Variants in USH2A observed in about 807,000 individuals in gnomAD.
The protein encoded by USH2A is usherin.
A neutral mutation model predicts 538.9 loss-of-function variants in USH2A; 443 were observed. The observed-to-expected ratio is 0.82, with a 90% CI of 0.76 to 0.89. The LOEUF is 0.89. Among genes scored for constraint, USH2A ranks in the 40% least tolerant of loss-of-function variants. USH2A has a pLI of 0.00. For synonymous variants in USH2A, 2,413 were observed against 2,273.5 expected, an observed-to-expected ratio of 1.06 and a Z score of -1.75; for missense variants, 6,633 against 6,324.8, an observed-to-expected ratio of 1.05 and a Z score of -1.65.
At chr1:216,360,393 G>C (rs959804993) in intron 4 of USH2A, among the ~76,000 whole-genome samples, 3 of 152,006 alleles carry the variant, frequency 2.0e-5, no homozygotes, top group Non-Finnish European at 4.4e-5. Context: ...TGATTGCTAG[G>C]GGTTAGGATA....
At position 215,728,080 on chromosome 1, in the gene USH2A, G is replaced by A; in HGVS notation, c.12016C>T (p.Pro4006Ser). 1 of 1,614,136 alleles carries A rather than the reference G, an allele frequency of 6.2e-7. No homozygotes were observed. The highest frequency in any genetic ancestry group is 8.5e-7 in the Non-Finnish European group (1 of 1,180,022). The change falls in exon 61 of 72, where the codon CCC (proline) becomes TCC (serine). Residue 4006 changes from proline to serine, a missense_variant. Physicochemically the swap from Pro to Ser is moderately conservative, Grantham distance 74 (BLOSUM62 -1). Coordinates refer to ENST00000307340, the MANE Select transcript of USH2A (RefSeq NM_206933.4). ...SHYRVVYQER[P>S]DDPTFNSPTV... ...GGGCTGTTAAATGTAGGATCGTCGG[G>A]TCTCTCCTGGTAGACCACACGGTAA...
chr1:215,720,142 T>C (rs1036800333), intron 61 of USH2A, among the ~76,000 whole-genome samples: 3 of 152,144 alleles, frequency 2.0e-5, no homozygotes, highest in Non-Finnish European at 2.9e-5. Flanking sequence ...TGAAGATCTA[T>C]GTAGACAACC....
chr1:216,233,091 C>G (rs962433015), intron 13 of USH2A, among the ~76,000 whole-genome samples: 1 of 152,132 alleles, frequency 6.6e-6, no homozygotes, highest in Admixed American at 6.6e-5. Context: ...TTTCACTTCT[C>G]TATTTGAAAC....
chr1:215,857,279 G>A (rs562414165), intron 44 of USH2A, among the ~76,000 whole-genome samples: 1 of 152,308 alleles, frequency 6.6e-6, no homozygotes, highest in Non-Finnish European at 1.5e-5. Flanking sequence ...CATTAAATAA[G>A]ATAGAAAACA....
intron 21 of USH2A, among the ~76,000 whole-genome samples, chr1:216,147,279 C>T (rs2102616429): frequency 6.6e-6 from 1 of 152,188 alleles, no homozygotes; most frequent in East Asian, 1.9e-4. Context: ...TCTGCTCCTC[C>T]ACCCTATAAT....
chr1:216,085,458 GA>G (rs781267821), intron 24 of USH2A, among the ~76,000 whole-genome samples: 32 of 150,850 alleles, frequency 2.1e-4, no homozygotes, highest in African/African-American at 3.4e-4. Context: ...GAAAAAGCAA[GA>G]AAAAAAAATC....
At chr1:216,355,394 T>C (rs2038375732) in intron 4 of USH2A, among the ~76,000 whole-genome samples, 1 of 137,678 alleles carries the variant, frequency 7.3e-6, no homozygotes, top group South Asian at 2.3e-4. Context: ...AAACATATAG[T>C]ATACAAGAAA....
intron 20 of USH2A, among the ~76,000 whole-genome samples, chr1:216,189,495 A>G (rs2102654228): frequency 6.6e-6 from 1 of 152,146 alleles, no homozygotes; most frequent in South Asian, 2.1e-4. Flanking sequence ...TTAATGCTAA[A>G]TAATTGGGTT....
chr1:215,948,443 TAC>T (rs59062172), intron 37 of USH2A, among the ~76,000 whole-genome samples: 8,742 of 146,976 alleles, frequency 0.059, 371 homozygotes, highest in African/African-American at 0.12. Context: ...TATATATATA[TAC>T]ACACACACAC....
Position 216,147,772 on chromosome 1 carries a change from C to T in USH2A, c.4627+27480G>A, listed in dbSNP as rs1274701534. Among the ~76,000 whole-genome samples, 154 of 150,296 alleles carry T rather than the reference C, an allele frequency of 1.0e-3. 1 individual carries two copies. Among genetic ancestry groups the T allele is most frequent in the African/African-American group, 3.5e-3 (143 of 40,944 alleles). On this transcript the variant is annotated intron_variant, in intron 21 of 71. Transcript: ENST00000307340. ...CACAAGAACTTCCAAACGCCTGAAC[C>T]GCAGCGGCCAGGCATTCCTCCAGAA...
chr1:216,342,088 A>G (rs2038087201), intron 4 of USH2A, among the ~76,000 whole-genome samples: 1 of 152,174 alleles, frequency 6.6e-6, no homozygotes, highest in African/African-American at 2.4e-5. Flanking sequence ...AATTTTCGCA[A>G]CCCATCCACC....
At chr1:216,402,582 A>C (rs977620845) in intron 3 of USH2A, among the ~76,000 whole-genome samples, 3 of 152,120 alleles carry the variant, frequency 2.0e-5, no homozygotes, top group Non-Finnish European at 4.4e-5. Context: ...ATGAATAGTA[A>C]ATATATATTT....
intron 38 of USH2A, among the ~76,000 whole-genome samples, chr1:215,928,347 T>A (rs969680557): frequency 2.0e-5 from 3 of 152,138 alleles, no homozygotes; most frequent in Non-Finnish European, 1.5e-5. Flanking sequence ...GATTTTTTTT[T>A]ATATCTTCTT....
At chr1:216,142,433 C>A (rs867246844) in intron 21 of USH2A, among the ~76,000 whole-genome samples, 5 of 152,144 alleles carry the variant, frequency 3.3e-5, no homozygotes, top group South Asian at 2.1e-4. Flanking sequence ...CAATAGAAAT[C>A]ATATTACAAA....
intron 60 of USH2A, among the ~76,000 whole-genome samples, chr1:215,741,073 T>C (rs1295391172): frequency 6.6e-6 from 1 of 152,136 alleles, no homozygotes; most frequent in Non-Finnish European, 1.5e-5. Flanking sequence ...TTCTGCCCCA[T>C]CACTAAATAT....
intron 9 of USH2A, among the ~76,000 whole-genome samples, chr1:216,315,705 A>T (rs2037494021): frequency 6.6e-6 from 1 of 152,194 alleles, no homozygotes; most frequent in Admixed American, 6.5e-5. Flanking sequence ...TATTTTTTAC[A>T]ACTGTATATA....
In USH2A at chr1:215,813,810, C is replaced by T. The variant is rs766639909; in HGVS notation, c.9665G>A (p.Cys3222Tyr). 3.1e-6 allele frequency: 5 copies of T among 1,613,936 alleles called. No homozygotes were observed. Among genetic ancestry groups the T allele is most frequent in the African/African-American group, 1.3e-5 (1 of 75,026 alleles). The change falls in exon 49 of 72, where the codon TGT becomes TAT. Residue 3222 changes from cysteine to tyrosine, a missense_variant. By Grantham distance (194) the Cys-to-Tyr change is radical. Transcript: ENST00000307340. ...IPFVLNSTGVCCGGRIQEAQP... is the reference protein window; with the variant it reads ...IPFVLNSTGVYCGGRIQEAQP... Reference sequence around the variant, plus strand: ...TGCCTCCTGTATTCGGCCACCACAACAAACTCCAGTAGAATTCAGAACAAA... The same window carrying T: ...TGCCTCCTGTATTCGGCCACCACAATAAACTCCAGTAGAATTCAGAACAAA...
At chr1:216,247,340 C>G (rs2036072689) in intron 12 of USH2A, 114 bp from the exon 13 acceptor site, 1 of 1,350,438 alleles carries the variant, frequency 7.4e-7, no homozygotes, top group Admixed American at 1.9e-5. Flanking sequence ...TGAGTGTTTT[C>G]TCACAAGCAA....
chr1:215,723,984 G>T (rs192254778), intron 61 of USH2A, among the ~76,000 whole-genome samples: 48 of 152,150 alleles, frequency 3.2e-4, no homozygotes, highest in African/African-American at 1.2e-3. Context: ...ACCTGCATTC[G>T]TATGTGTATT....
Sources: allele counts gnomAD v4.1 joint callset (sites outside exome capture counted in the v4.1 genomes callset), GRCh38; gene constraint gnomAD v4.1.1; transcripts MANE v1.5; gene names NCBI Gene and HGNC (gene_info 2026-07-23, HGNC 2026-07-21).